WWOX: variants seen among roughly 807,000 people sequenced by gnomAD.
WWOX encodes WW domain containing oxidoreductase.
In WWOX, 69 loss-of-function variants were observed where a neutral mutation model predicts 46.2. That is an observed-to-expected ratio of 1.49 (90% confidence interval 1.23 to 1.82). WWOX has a LOEUF of 1.82. Ranked by LOEUF, WWOX falls within the 40% of genes most tolerant of loss-of-function variation. The pLI is 0.00. For synonymous variants in WWOX, 359 were observed against 202.6 expected, an observed-to-expected ratio of 1.77 and a Z score of -6.56; for missense variants, 919 against 542.6, an observed-to-expected ratio of 1.69 and a Z score of -6.89.
At chr16:78,822,573 A>G (rs1408164629) in intron 8 of WWOX, among the ~76,000 whole-genome samples, 4 of 152,146 alleles carry the variant, frequency 2.6e-5, no homozygotes, top group African/African-American at 7.2e-5. Flanking sequence ...AATTCTAAAT[A>G]TTTTATAAAT....
chr16:79,021,947 A>C (rs1351806400), intron 8 of WWOX, among the ~76,000 whole-genome samples: 2 of 152,360 alleles, frequency 1.3e-5, no homozygotes, highest in African/African-American at 4.8e-5. Flanking sequence ...CTGAGAGTTA[A>C]AATCACCCAT....
intron 8 of WWOX, among the ~76,000 whole-genome samples, chr16:78,723,173 T>C (rs190488275): frequency 8.7e-4 from 133 of 152,320 alleles, no homozygotes; most frequent in Non-Finnish European, 1.6e-3. Context: ...TAATAGAACA[T>C]TTCCCTCTGA....
chr16:78,869,671 T>C (rs1486159195), intron 8 of WWOX, among the ~76,000 whole-genome samples: 1 of 152,186 alleles, frequency 6.6e-6, no homozygotes, highest in Admixed American at 6.5e-5. Context: ...TGGGGAGTGG[T>C]GGCCTACTTA....
chr16:78,183,545 T>C (rs1478339202), intron 5 of WWOX, among the ~76,000 whole-genome samples: 4 of 152,212 alleles, frequency 2.6e-5, no homozygotes, highest in African/African-American at 9.7e-5. Context: ...TGCCTCTCTA[T>C]CTTCCTACAA....
intron 8 of WWOX, among the ~76,000 whole-genome samples, chr16:78,575,776 C>T (rs2044863331): frequency 6.6e-6 from 1 of 152,152 alleles, no homozygotes; most frequent in Non-Finnish European, 1.5e-5. Flanking sequence ...TTTAACCCAA[C>T]ATGGTGAAGT....
At chr16:78,623,308 C>T (rs2046233279) in intron 8 of WWOX, among the ~76,000 whole-genome samples, 3 of 152,192 alleles carry the variant, frequency 2.0e-5, no homozygotes. Flanking sequence ...CTTTCTTTGG[C>T]ATTTGGCTGC....
chr16:78,838,949 C>T (rs527922515), intron 8 of WWOX, among the ~76,000 whole-genome samples: 20 of 152,194 alleles, frequency 1.3e-4, no homozygotes, highest in African/African-American at 4.8e-4. Flanking sequence ...AAAACAGCAA[C>T]TGGAGGATCC....
intron 8 of WWOX, among the ~76,000 whole-genome samples, chr16:78,448,187 TGTGA>T (rs1425802502): frequency 6.6e-6 from 1 of 152,168 alleles, no homozygotes. Flanking sequence ...AATACTGGCC[TGTGA>T]GTATGTGGTC....
chr16:78,984,152 A>T (rs1201048292), intron 8 of WWOX, among the ~76,000 whole-genome samples: 1 of 152,084 alleles, frequency 6.6e-6, no homozygotes, highest in East Asian at 1.9e-4. Flanking sequence ...TGCTGGCATT[A>T]CAGGCATGAG....
chr16:78,362,537 A>T (rs1039286550), intron 5 of WWOX, among the ~76,000 whole-genome samples: 1 of 152,068 alleles, frequency 6.6e-6, no homozygotes, highest in Non-Finnish European at 1.5e-5. Flanking sequence ...TGAACTCGGG[A>T]GGTGGAGGTA....
At chr16:78,203,022 T>A (rs1341154654) in intron 5 of WWOX, among the ~76,000 whole-genome samples, 1 of 152,176 alleles carries the variant, frequency 6.6e-6, no homozygotes, top group African/African-American at 2.4e-5. Context: ...GGGAATAGAA[T>A]TAGGCTGTCT....
chr16:78,416,663 T>C (rs2082803585), intron 6 of WWOX, among the ~76,000 whole-genome samples: 1 of 152,332 alleles, frequency 6.6e-6, no homozygotes, highest in East Asian at 1.9e-4. Flanking sequence ...ATTGTTGTTA[T>C]TGAGAAGTAT....
chr16:78,753,834 ATATATATATATATATATATATG>A lies in WWOX; in HGVS notation c.1056+321088_1056+321109del, dbSNP rs1463704069. Among the ~76,000 whole-genome samples the A allele has an allele frequency of 1.3e-3, 124 of 94,946 alleles. 1 individual carries two copies. Among genetic ancestry groups the A allele is most frequent in the African/African-American group, 4.6e-3 (92 of 19,970 alleles). 62.3% of individuals were successfully genotyped at this position (94,946 alleles called of 152,430 possible). A position where few individuals can be genotyped will look rare whatever the true frequency, so the allele number is the denominator to read the frequency against. ...AAAAAAAAAAAAAAAAAATATATAT[ATATATATATATATATATATATG>A]TATATGTATATGTATATATAAATTT... is the stretch of plus-strand genomic sequence containing the variant. On this transcript the variant is annotated intron_variant, in intron 8 of 8. Transcript: ENST00000566780.
chr16:78,600,346 A>G (rs2045592067), intron 8 of WWOX, among the ~76,000 whole-genome samples: 1 of 152,134 alleles, frequency 6.6e-6, no homozygotes, highest in South Asian at 2.1e-4. Context: ...GACTCAGCAT[A>G]GCTGGAGGGG....
chr16:78,689,213 C>A (rs1597448101), intron 8 of WWOX, among the ~76,000 whole-genome samples: 2 of 152,302 alleles, frequency 1.3e-5, no homozygotes, highest in South Asian at 4.1e-4. Context: ...CAGTAGTGAC[C>A]TTGTTGAGAA....
intron 8 of WWOX, among the ~76,000 whole-genome samples, chr16:78,772,374 A>T (rs2050085783): frequency 6.6e-6 from 1 of 152,186 alleles, no homozygotes; most frequent in African/African-American, 2.4e-5. Context: ...ACATGATCGC[A>T]TTCTTTTATA....
chr16:78,309,885 T>C (rs1285081631), intron 5 of WWOX, among the ~76,000 whole-genome samples: 1 of 152,180 alleles, frequency 6.6e-6, no homozygotes, highest in Non-Finnish European at 1.5e-5. Context: ...TAGAGTGTTC[T>C]CCTATGTAAA....
chr16:78,231,829 C>G (rs1340105642), intron 5 of WWOX, among the ~76,000 whole-genome samples: 1 of 152,160 alleles, frequency 6.6e-6, no homozygotes, highest in Admixed American at 6.5e-5. Flanking sequence ...TCCCATTGCA[C>G]TTCTCTTCAA....
chr16:78,440,899 G>T (rs888049000), intron 8 of WWOX, among the ~76,000 whole-genome samples: 4 of 152,048 alleles, frequency 2.6e-5, no homozygotes, highest in Admixed American at 2.0e-4. Context: ...GGGATTCCAG[G>T]CATGAGCCAC....
Sources: gnomAD v4.1 joint callset for allele counts (sites outside exome capture counted in the v4.1 genomes callset) on GRCh38, gnomAD v4.1.1 for gene constraint, MANE v1.5 for transcripts, NCBI Gene and HGNC (gene_info 2026-07-23, HGNC 2026-07-21) for gene names.